ZFHX3: variants seen among roughly 807,000 people sequenced by gnomAD.
The protein encoded by ZFHX3 is zinc finger homeobox protein 3.
A neutral mutation model predicts 279.1 loss-of-function variants in ZFHX3; 42 were observed. The ratio of observed to expected loss-of-function variants is 0.15; its 90% CI spans 0.12 to 0.19. The LOEUF (loss-of-function observed/expected upper bound fraction) is 0.19. Ranked by LOEUF, ZFHX3 falls within the 10% of genes least tolerant of loss-of-function variation. The probability of loss-of-function intolerance (pLI) is 1.00; values close to 1 mark genes in which losing one functional copy is unlikely to be tolerated. For missense variants in ZFHX3, 4,981 were observed against 4,754.0 expected, an observed-to-expected ratio of 1.05 and a Z score of -1.40; for synonymous variants, 2,293 against 1,957.8, an observed-to-expected ratio of 1.17 and a Z score of -4.52.
At chr16:73,422,299 A>G (rs2017732943) in intron 3 of ZFHX3, among the ~76,000 whole-genome samples, 1 of 151,758 alleles carries the variant, frequency 6.6e-6, no homozygotes, top group Non-Finnish European at 1.5e-5. Context: ...TGGCTCCAGC[A>G]TATCCTAAAC....
intron 1 of ZFHX3, among the ~76,000 whole-genome samples, chr16:73,839,175 G>C: frequency 6.6e-6 from 1 of 151,546 alleles, no homozygotes; most frequent in Non-Finnish European, 1.5e-5. Context: ...TGGTGAACAT[G>C]GTGAAACCCT....
intron 4 of ZFHX3, among the ~76,000 whole-genome samples, chr16:73,290,982 G>T (rs2014753973): frequency 1.3e-5 from 2 of 152,214 alleles, no homozygotes; most frequent in Admixed American, 1.3e-4. Context: ...ACCAGGGCTG[G>T]TGATATCTGC....
chr16:73,501,531 A>G (rs1188323033), intron 2 of ZFHX3, among the ~76,000 whole-genome samples: 1 of 152,172 alleles, frequency 6.6e-6, no homozygotes, highest in Non-Finnish European at 1.5e-5. Context: ...TTTATGGGTC[A>G]CCGTCAATAA....
At position 72,889,768 on chromosome 16, in the gene ZFHX3, C is replaced by G. The variant is rs1292211543; in HGVS notation, c.3411G>C (p.Gln1137His). ...AGGGGCACCTGCGGATGGTGAAGAT[C>G]TGCCCCAGGTCCTCGTCCTCCTCTG... ...GLPEEDEDLG[Q>H]IFTIRRCPST... Residue 1137 changes from glutamine (Q) to histidine (H), a missense_variant, in exon 4 of 10, where the codon CAG (glutamine) becomes CAC (histidine). Transcript: ENST00000268489. The G allele has an allele frequency of 6.2e-7, 1 of 1,613,050 alleles. No homozygotes were observed. The highest frequency in any genetic ancestry group is 8.5e-7 in the Non-Finnish European group (1 of 1,180,034).
At chr16:73,634,667 C>A (rs1292901428) in intron 2 of ZFHX3, among the ~76,000 whole-genome samples, 1 of 151,768 alleles carries the variant, frequency 6.6e-6, no homozygotes, top group East Asian at 1.9e-4. Flanking sequence ...TTGAGGACAG[C>A]CAACAGAAGG....
intron 8 of ZFHX3, among the ~76,000 whole-genome samples, chr16:73,090,417 A>G (rs998337969): frequency 4.6e-5 from 7 of 152,182 alleles, no homozygotes; most frequent in African/African-American, 1.4e-4. Context: ...AATAAAGTAC[A>G]TTTGTTGTTG....
rs1447384275 is a variant in ZFHX3, at chr16:73,819,862, A to C, written c.-1608+71789T>G. ...ATCTTCCCCATATTTAAACCAAAAAAGCCACTGCCCCTCTGGCCAAGTGTG... is the reference window on the plus strand; with the variant it reads ...ATCTTCCCCATATTTAAACCAAAAACGCCACTGCCCCTCTGGCCAAGTGTG... On this transcript the variant is annotated intron_variant, in intron 1 of 17. Coordinates refer to the ZFHX3 transcript ENST00000641206. 2.0e-5 allele frequency among the ~76,000 whole-genome samples: 3 copies of C among 152,278 alleles called. No homozygotes were observed. In the South Asian group the frequency reaches 6.2e-4, roughly 32 times the overall value.
intron 4 of ZFHX3, among the ~76,000 whole-genome samples, chr16:72,882,125 T>C (rs546027968): frequency 2.7e-5 from 4 of 150,822 alleles, no homozygotes; most frequent in South Asian, 2.1e-4. Context: ...CACACCCATA[T>C]ACTGTCTCTC....
chr16:73,040,465 A>C (rs1444799312), intron 1 of ZFHX3, among the ~76,000 whole-genome samples: 1 of 151,384 alleles, frequency 6.6e-6, no homozygotes, highest in Non-Finnish European at 1.5e-5. Flanking sequence ...AGCATACACA[A>C]GCCAGCCGGG....
intron 2 of ZFHX3, among the ~76,000 whole-genome samples, chr16:73,473,372 A>C (rs1371301556): frequency 6.6e-6 from 1 of 150,446 alleles, no homozygotes; most frequent in South Asian, 2.1e-4. Flanking sequence ...AAAAAAAAAA[A>C]CAAAATAATA....
intron 1 of ZFHX3, among the ~76,000 whole-genome samples, chr16:73,694,895 A>C (rs1026860987): frequency 6.6e-6 from 1 of 152,230 alleles, no homozygotes; most frequent in Admixed American, 6.5e-5. Flanking sequence ...CATGATGATT[A>C]AACCATTTAC....
intron 5 of ZFHX3, among the ~76,000 whole-genome samples, chr16:73,155,802 G>A (rs1380231868): frequency 2.0e-5 from 3 of 151,022 alleles, no homozygotes; most frequent in East Asian, 1.9e-4. Context: ...CAGCCTGGGC[G>A]ACAAGAGAGA....
rs118005015 is a variant in ZFHX3 at position 73,356,507 on chromosome 16, C to A, written c.-1290-38171G>T. On this transcript the variant is annotated intron_variant, in intron 3 of 17. Coordinates refer to the ZFHX3 transcript ENST00000641206. The stretch of plus-strand genomic sequence containing the variant: ...CACGCTGAGACGGGACCCCTCACGG[C>A]GGTGACACATGCCTTGTTCTACATG... Among the ~76,000 whole-genome samples the A allele has an allele frequency of 4.0e-3, 616 of 152,132 alleles. 6 individuals carry two copies. The highest frequency in any genetic ancestry group is 5.7e-3 in the Non-Finnish European group (389 of 67,994).
chr16:73,770,920 T>C (rs966054485), intron 1 of ZFHX3, among the ~76,000 whole-genome samples: 1 of 152,200 alleles, frequency 6.6e-6, no homozygotes, highest in Non-Finnish European at 1.5e-5. Flanking sequence ...TGGATCACTT[T>C]TCTCCCCTTG....
chr16:73,561,333 A>T (rs569676473), intron 2 of ZFHX3, among the ~76,000 whole-genome samples: 98 of 152,286 alleles, frequency 6.4e-4, no homozygotes, highest in East Asian at 3.9e-3. Context: ...TGAATTTTTT[A>T]AAAAAATATT....
chr16:73,752,124 T>C (rs2053767512), intron 1 of ZFHX3, among the ~76,000 whole-genome samples: 1 of 152,124 alleles, frequency 6.6e-6, no homozygotes, highest in African/African-American at 2.4e-5. Context: ...AGCTGATCCA[T>C]GGTGCCATTT....
upstream of ZFHX3, among the ~76,000 whole-genome samples, chr16:73,062,813 G>A (rs1965702653): frequency 6.6e-6 from 1 of 152,216 alleles, no homozygotes; most frequent in Non-Finnish European, 1.5e-5. Context: ...TAGATCTAAG[G>A]AAGGGGTTGG....
intron 1 of ZFHX3, among the ~76,000 whole-genome samples, chr16:73,811,622 T>A (rs1320818660): frequency 6.6e-6 from 1 of 151,988 alleles, no homozygotes; most frequent in East Asian, 1.9e-4. Flanking sequence ...AATTTTTGTA[T>A]TTTTAATAGA....
intron 2 of ZFHX3, among the ~76,000 whole-genome samples, chr16:73,633,401 T>A (rs2052495635): frequency 6.6e-6 from 1 of 152,164 alleles, no homozygotes; most frequent in Non-Finnish European, 1.5e-5. Context: ...GATTAATAAA[T>A]GTGTAAGAAA....
Sources: allele counts gnomAD v4.1 joint callset (sites outside exome capture counted in the v4.1 genomes callset), GRCh38; gene constraint gnomAD v4.1.1; transcripts MANE v1.5; gene names NCBI Gene and HGNC (gene_info 2026-07-23, HGNC 2026-07-21).